Variants in SEMA3E observed in about 807,000 individuals in gnomAD.
SEMA3E encodes the protein semaphorin-3E.
A neutral mutation model predicts 93.6 loss-of-function variants in SEMA3E; 49 were observed. The observed-to-expected ratio is 0.52, with a 90% CI of 0.42 to 0.66. SEMA3E has a LOEUF of 0.66. Ranked by LOEUF, SEMA3E falls within the 30% of genes least tolerant of loss-of-function variation. SEMA3E has a pLI of 0.00. For synonymous variants in SEMA3E, 363 were observed against 330.7 expected (o/e 1.10, Z -1.06); for missense variants, 906 against 964.8 (o/e 0.94, Z 0.81).
intron 2 of SEMA3E, among the ~76,000 whole-genome samples, chr7:83,472,662 C>A (rs897870406): frequency 3.3e-5 from 5 of 152,146 alleles, no homozygotes; most frequent in Non-Finnish European, 7.4e-5. Flanking sequence ...GATGGTGTTT[C>A]TCACCGAAAC....
At chr7:83,403,180 TACTC>T (rs1453596663) in intron 9 of SEMA3E, among the ~76,000 whole-genome samples, 5 of 152,022 alleles carry the variant, frequency 3.3e-5, no homozygotes, top group African/African-American at 9.7e-5. Flanking sequence ...AGTGTCCTCT[TACTC>T]ACTATGCTGT....
At chr7:83,500,590 C>CTTTTTTTTTTTTTT (rs371350850) in intron 1 of SEMA3E, among the ~76,000 whole-genome samples, 3 of 100,612 alleles carry the variant, frequency 3.0e-5, no homozygotes, top group Non-Finnish European at 3.7e-5. Flanking sequence ...AACTTTCTTC[C>CTTTTTTTTTTTTTT]TTTTTTTTTT....
At chr7:83,605,987 A>G (rs563788841) in intron 1 of SEMA3E, among the ~76,000 whole-genome samples, 1 of 152,192 alleles carries the variant, frequency 6.6e-6, no homozygotes, top group East Asian at 1.9e-4. Context: ...TTTGGTTGCA[A>G]TTGCTTTTGG....
intron 16 of SEMA3E, among the ~76,000 whole-genome samples, chr7:83,384,669 A>G (rs1341452101): frequency 6.6e-6 from 1 of 151,906 alleles, no homozygotes; most frequent in Admixed American, 6.6e-5. Flanking sequence ...ACTGCCTCCT[A>G]TTCTACACAT....
chr7:83,575,961 C>G (rs1008346333), intron 1 of SEMA3E, among the ~76,000 whole-genome samples: 1 of 152,006 alleles, frequency 6.6e-6, no homozygotes, highest in African/African-American at 2.4e-5. Flanking sequence ...TATTGAATTG[C>G]ATAGTTTTAA....
chr7:83,503,412 T>C (rs769300968), intron 1 of SEMA3E, among the ~76,000 whole-genome samples: 3 of 152,204 alleles, frequency 2.0e-5, no homozygotes, highest in Non-Finnish European at 2.9e-5. Context: ...CCTTGAAATT[T>C]GAATTCTAAG....
intron 4 of SEMA3E, among the ~76,000 whole-genome samples, chr7:83,437,071 G>A (rs578147176): frequency 2.0e-5 from 3 of 152,182 alleles, no homozygotes; most frequent in African/African-American, 4.8e-5. Flanking sequence ...CATGGAAAAG[G>A]CCTGCTCCCA....
At chr7:83,472,243 T>C (rs1034133603) in intron 2 of SEMA3E, among the ~76,000 whole-genome samples, 2 of 152,204 alleles carry the variant, frequency 1.3e-5, no homozygotes, top group Non-Finnish European at 2.9e-5. Context: ...CTTAGCATGA[T>C]CAACTTTTCC....
chr7:83,573,753 T>G (rs1418025387), intron 1 of SEMA3E, among the ~76,000 whole-genome samples: 1 of 152,042 alleles, frequency 6.6e-6, no homozygotes. Context: ...ATGTAGACGA[T>G]TCATGGTATT....
chr7:83,502,157 A>G (rs1364766569), intron 1 of SEMA3E, among the ~76,000 whole-genome samples: 4 of 152,116 alleles, frequency 2.6e-5, no homozygotes, highest in South Asian at 2.1e-4. Context: ...TGAGTGCCAC[A>G]CTATCTATCC....
At chr7:83,381,000 T>C (rs142990453) in intron 16 of SEMA3E, among the ~76,000 whole-genome samples, 3 of 152,052 alleles carry the variant, frequency 2.0e-5, no homozygotes, top group Non-Finnish European at 1.5e-5. Flanking sequence ...ACATTAAGAG[T>C]TGTTTTTAAG....
chr7:83,553,200 C>T (rs1010518938), intron 1 of SEMA3E, among the ~76,000 whole-genome samples: 7 of 152,096 alleles, frequency 4.6e-5, no homozygotes, highest in South Asian at 2.1e-4. Flanking sequence ...CTCGGCCAGC[C>T]GACACTTATG....
chr7:83,648,528 C>G lies in SEMA3E; in HGVS notation c.15G>C (p.Gly5=). 1 of 1,613,192 alleles carries G rather than the reference C, an allele frequency of 6.2e-7. No individual in the cohort carries two copies. Among genetic ancestry groups the G allele is most frequent in the Non-Finnish European group, 8.5e-7 (1 of 1,179,560 alleles). The change falls in exon 1 of 17, where the codon GGG becomes GGC. Residue 5 remains glycine (G), a synonymous_variant. Coordinates refer to ENST00000643230, the MANE Select transcript of SEMA3E (RefSeq NM_012431.3). MASA[G]HIITLLLWGY... Reference sequence around the variant, plus strand: ...CCCACAGGAGCAAGGTGATAATGTGCCCCGCGGATGCCATGCTGCCGTGTT... The same window carrying G: ...CCCACAGGAGCAAGGTGATAATGTGGCCCGCGGATGCCATGCTGCCGTGTT...
chr7:83,392,871 C>A (rs932404835), intron 13 of SEMA3E, 150 bp from the exon 14 acceptor site: 1 of 765,120 alleles, frequency 1.3e-6, no homozygotes. Context: ...AGTTTGAGAC[C>A]AGCCTGCACA....
chr7:83,567,669 G>GA (rs1326317784), intron 1 of SEMA3E, among the ~76,000 whole-genome samples: 2 of 151,946 alleles, frequency 1.3e-5, no homozygotes, highest in Non-Finnish European at 2.9e-5. Context: ...TTGAGTCAAA[G>GA]AAAAAACTTA....
chr7:83,411,446 T>G (rs571650002), intron 5 of SEMA3E, among the ~76,000 whole-genome samples: 2 of 152,240 alleles, frequency 1.3e-5, no homozygotes, highest in East Asian at 1.9e-4. Flanking sequence ...GGAGAGATAT[T>G]CCTTTCATAT....
intron 1 of SEMA3E, among the ~76,000 whole-genome samples, chr7:83,573,372 A>G (rs1409028727): frequency 2.0e-5 from 3 of 152,090 alleles, no homozygotes; most frequent in Non-Finnish European, 4.4e-5. Context: ...ACACTATCAT[A>G]TTTAATAAAA....
intron 1 of SEMA3E, among the ~76,000 whole-genome samples, chr7:83,564,912 T>C (rs1000698275): frequency 3.3e-5 from 5 of 152,120 alleles, no homozygotes; most frequent in African/African-American, 1.2e-4. Context: ...CAGGTGCTGG[T>C]TTTTTGAAAA....
At chr7:83,482,936 T>G (rs1412030065) in intron 2 of SEMA3E, among the ~76,000 whole-genome samples, 1 of 107,614 alleles carries the variant, frequency 9.3e-6, no homozygotes, top group Non-Finnish European at 2.0e-5. Flanking sequence ...ATGGTCTGAC[T>G]AGCAATGTGT....
Sources: allele counts gnomAD v4.1 joint callset (sites outside exome capture counted in the v4.1 genomes callset), GRCh38; gene constraint gnomAD v4.1.1; transcripts MANE v1.5; gene names NCBI Gene and HGNC (gene_info 2026-07-23, HGNC 2026-07-21).